ATRX: variants seen among roughly 807,000 people sequenced by gnomAD.
The protein encoded by ATRX is ATRX chromatin remodeler.
In ATRX, 12 loss-of-function variants were observed where a neutral mutation model predicts 172.6. The ratio of observed to expected loss-of-function variants is 0.07; its 90% CI spans 0.04 to 0.11. ATRX has a LOEUF of 0.11. Among genes scored for constraint, ATRX ranks in the 10% least tolerant of loss-of-function variants. The pLI, the probability that ATRX is intolerant of heterozygous loss-of-function variation, is 1.00. For missense variants in ATRX, 1,368 were observed against 1,767.4 expected (o/e 0.77, Z 4.05); for synonymous variants, 674 against 594.7 (o/e 1.13, Z -1.94).
chrX:77,681,388 C>T, intron 9 of ATRX, 132 bp downstream of exon 9: 1 of 619,399 alleles, frequency 1.6e-6, no homozygotes, highest in Non-Finnish European at 2.4e-6. Context: ...TTAATAAACT[C>T]CTAAATAATT....
At chrX:77,612,885 T>C (rs782616410) in intron 22 of ATRX, among the ~76,000 whole-genome samples, 3 of 112,131 alleles carry the variant, frequency 2.7e-5, no homozygotes, top group Middle Eastern at 4.6e-3. Flanking sequence ...TTAGCATTAA[T>C]GTCTTCAAGC....
intron 19 of ATRX, among the ~76,000 whole-genome samples, chrX:77,624,953 G>A (rs2067763791): frequency 9.0e-6 from 1 of 111,614 alleles, no homozygotes; most frequent in Non-Finnish European, 1.9e-5. Flanking sequence ...TAAGCAAAAA[G>A]AACAAATCTG....
In ATRX at chrX:77,599,446, C is replaced by G. The variant is rs781794029; in HGVS notation, c.5921G>C (p.Gly1974Ala). 2 of 1,210,660 alleles carry G rather than the reference C, an allele frequency of 1.7e-6. No homozygotes were observed. Among genetic ancestry groups the G allele is most frequent in the South Asian group, 1.8e-5 (1 of 56,900 alleles). The change falls in exon 25 of 35, where the codon GGA becomes GCA. Residue 1974 changes from glycine to alanine, a missense_variant. Coordinates refer to ENST00000373344, the MANE Select transcript of ATRX (RefSeq NM_000489.6). ...TTTTAAAGAAACAGAAGGATTGTTTCCTGTTTCATCCACATTTCCTTCACC... is the reference window on the plus strand; with the variant it reads ...TTTTAAAGAAACAGAAGGATTGTTTGCTGTTTCATCCACATTTCCTTCACC... ...GGGEGNVDET[G>A]NNPSVSLKLE... is the part of the protein sequence containing the mutation.
chrX:77,562,245 T>C (rs1373758823), intron 28 of ATRX, among the ~76,000 whole-genome samples: 1 of 112,555 alleles, frequency 8.9e-6, no homozygotes, highest in Non-Finnish European at 1.9e-5. Context: ...AGGACCATTC[T>C]AAATAAAAGC....
rs782164070 is a variant in ATRX, at chrX:77,680,723, T to C, written c.3736+797A>G. 1.5e-4 allele frequency among the ~76,000 whole-genome samples: 17 copies of C among 111,220 alleles called. 1 individual carries two copies. In the South Asian group the frequency reaches 6.1e-3, roughly 40 times the overall value. On this transcript the variant is annotated intron_variant, in intron 9 of 34. Transcript: ENST00000373344. ...TTTTTAAATAAATTCTGAGTATCCA[T>C]AGAACTGACAGGTCTTACTGACTAA...
intron 18 of ATRX, 88 bp downstream of exon 18, chrX:77,633,478 C>G: frequency 9.0e-7 from 1 of 1,114,502 alleles, no homozygotes; most frequent in Non-Finnish European, 1.2e-6. Context: ...GGTTAAAAAA[C>G]ATTAAAAATT....
intron 2 of ATRX, among the ~76,000 whole-genome samples, chrX:77,716,116 T>C (rs2073373831): frequency 4.9e-5 from 1 of 20,309 alleles, no homozygotes; most frequent in South Asian, 2.8e-3. Flanking sequence ...AAAAATTTTT[T>C]TTTTTTTTTT....
intron 31 of ATRX, 117 bp downstream of exon 31, chrX:77,523,135 G>A: frequency 1.1e-6 from 1 of 951,799 alleles, no homozygotes; most frequent in Non-Finnish European, 1.5e-6. Context: ...ATTGGGGAAT[G>A]TGTTCCTAAA....
chrX:77,693,537 G>C (rs1223009025), intron 6 of ATRX, among the ~76,000 whole-genome samples: 1 of 111,737 alleles, frequency 8.9e-6, no homozygotes, highest in African/African-American at 3.3e-5. Flanking sequence ...TTAGGGTTGG[G>C]GGGAAAACAT....
In ATRX at chrX:77,517,884, G is replaced by C. The variant is rs1373533833; in HGVS notation, c.7200+2904C>G. Among the ~76,000 whole-genome samples the C allele has an allele frequency of 3.6e-5, 4 of 112,195 alleles. No individual in the cohort carries two copies. In the East Asian group the frequency reaches 1.1e-3, roughly 31 times the overall value. On this transcript the variant is annotated intron_variant, in intron 34 of 34. Coordinates refer to ENST00000373344, the MANE Select transcript of ATRX (RefSeq NM_000489.6). ...GATTTAACTATGCAAATCAATCAAT[G>C]TGATACATCAAATAACAGAATGAAG...
intron 5 of ATRX, among the ~76,000 whole-genome samples, chrX:77,696,075 A>T (rs1300577822): frequency 1.8e-5 from 2 of 111,920 alleles, no homozygotes; most frequent in Non-Finnish European, 3.8e-5. Flanking sequence ...GGTATGTGAC[A>T]AAGTTTTTTA....
intron 26 of ATRX, among the ~76,000 whole-genome samples, chrX:77,592,335 AG>A (rs782129109): frequency 4.3e-4 from 42 of 98,110 alleles, no homozygotes; most frequent in African/African-American, 1.5e-3. Context: ...ACTTGAACCC[AG>A]GAAGTGGAGG....
chrX:77,594,135 A>C (rs1457883257), intron 25 of ATRX: 3 of 226,651 alleles, frequency 1.3e-5, no homozygotes, highest in Non-Finnish European at 2.3e-5. Context: ...GTAAGAGACA[A>C]ACCCTCGGGG....
intron 1 of ATRX, among the ~76,000 whole-genome samples, chrX:77,721,937 A>G (rs2148773297): frequency 8.9e-6 from 1 of 112,028 alleles, no homozygotes; most frequent in South Asian, 3.7e-4. Context: ...CTACAAGGCT[A>G]CAGTAACCAA....
Position 77,693,846 on chromosome X carries a change from A to G in ATRX, c.462T>C (p.Thr154=). 1 of 1,208,481 alleles carries G rather than the reference A, an allele frequency of 8.3e-7. No individual in the cohort carries two copies. Residue 154 remains threonine, a synonymous_variant, in exon 6 of 35, where the codon ACT becomes ACC. Coordinates refer to ENST00000373344, the MANE Select transcript of ATRX (RefSeq NM_000489.6). ...PEFRSRSKMK[T]ENLKKRGEDG... is the part of the protein sequence containing the mutation. ...TACCTCCGCGTTTTTTGAGATTTTC[A>G]GTTTTCATTTTACTTCTGCTTCTAA... is the stretch of plus-strand genomic sequence containing the variant.
At position 77,523,329 on chromosome X, in the gene ATRX, A is replaced by G. The variant is rs2147760904; in HGVS notation, c.6772T>C (p.Leu2258=). ...IVGYHEHDSL[L]DHKEEEELTE... ...AACTCTTCTTCTTCTTTGTGGTCCA[A>G]AAGAGAATCATGTTCATGGTATCCT... is the stretch of plus-strand genomic sequence containing the variant. Residue 2258 remains leucine, a synonymous_variant, in exon 31 of 35, where the codon TTG becomes CTG. Transcript: ENST00000373344. The G allele has an allele frequency of 2.5e-6, 3 of 1,210,011 alleles. No homozygotes were observed. Among genetic ancestry groups the G allele is most frequent in the Non-Finnish European group, 3.4e-6 (3 of 894,111 alleles).
At chrX:77,576,327 T>G (rs537306859) in intron 27 of ATRX, among the ~76,000 whole-genome samples, 2 of 110,980 alleles carry the variant, frequency 1.8e-5, no homozygotes, top group East Asian at 5.6e-4. Context: ...ACATAGAATC[T>G]AATAAAATGT....
intron 1 of ATRX, among the ~76,000 whole-genome samples, chrX:77,770,382 G>A (rs781891643): frequency 6.3e-5 from 7 of 110,537 alleles, no homozygotes; most frequent in Non-Finnish European, 9.5e-5. Flanking sequence ...CATTACAGGC[G>A]TGAGCCACCA....
chrX:77,555,711 G>C (rs781976548), intron 30 of ATRX, among the ~76,000 whole-genome samples: 2 of 110,195 alleles, frequency 1.8e-5, no homozygotes, highest in Admixed American at 1.9e-4. Context: ...GTCAGGGGGT[G>C]GGGGGAAAGG....
Sources: gnomAD v4.1 joint callset for allele counts (sites outside exome capture counted in the v4.1 genomes callset) on GRCh38, gnomAD v4.1.1 for gene constraint, MANE v1.5 for transcripts, NCBI Gene and HGNC (gene_info 2026-07-23, HGNC 2026-07-21) for gene names.